Variants in LRBA observed in about 807,000 individuals in gnomAD.
LRBA encodes LPS responsive beige-like anchor protein, also known as lipopolysaccharide-responsive and beige-like anchor protein.
A neutral mutation model predicts 330.0 loss-of-function variants in LRBA; 176 were observed. The ratio of observed to expected loss-of-function variants is 0.53; its 90% confidence interval spans 0.47 to 0.60. The LOEUF is 0.60. Among genes scored for constraint, LRBA ranks in the 20% least tolerant of loss-of-function variants. The probability of loss-of-function intolerance (pLI) is 0.00; values close to 1 mark genes in which losing one functional copy is unlikely to be tolerated. For synonymous variants in LRBA, 1,230 were observed against 1,193.0 expected, an observed-to-expected ratio of 1.03 and a Z score of -0.64; for missense variants, 3,259 against 3,444.8, an observed-to-expected ratio of 0.95 and a Z score of 1.35.
intron 47 of LRBA, among the ~76,000 whole-genome samples, chr4:150,395,282 T>C (rs11099762): frequency 0.87 from 132,501 of 152,140 alleles, 58,568 homozygotes; most frequent in Non-Finnish European, 0.96. Flanking sequence ...GAACTTATCT[T>C]TTCCTCTTTC....
rs200578734 is a variant in LRBA, at chr4:150,828,404, A to G, written c.4947T>C (p.Asn1649=). The change falls in exon 30 of 57, where the codon AAT becomes AAC. Residue 1649 remains asparagine (N), a synonymous_variant. Transcript: ENST00000651943. ...TATCATTTTTGGTTTCCGGAGACTT[A>G]TTGACTTCTAAAGAAAGAGTAGATA... The part of the protein sequence containing the change: ...EVLSTLSLEV[N]KSPETKNDRG... 1 of 1,614,110 alleles carries G rather than the reference A, an allele frequency of 6.2e-7. No homozygotes were observed. Among genetic ancestry groups the G allele is most frequent in the East Asian group, 2.2e-5 (1 of 44,882 alleles).
intron 2 of LRBA, among the ~76,000 whole-genome samples, chr4:150,999,708 A>G (rs1743111722): frequency 6.8e-6 from 1 of 146,592 alleles, no homozygotes; most frequent in Admixed American, 6.6e-5. Context: ...TTTAAAAAAC[A>G]AAACAAAAAA....
chr4:150,869,911 G>T (rs564190778), intron 20 of LRBA, among the ~76,000 whole-genome samples: 1 of 152,100 alleles, frequency 6.6e-6, no homozygotes, highest in Admixed American at 6.5e-5. Context: ...GAAAGCTGAG[G>T]AAAATTAAAC....
intron 2 of LRBA, among the ~76,000 whole-genome samples, chr4:150,949,502 C>T (rs1210122959): frequency 6.6e-6 from 1 of 151,984 alleles, no homozygotes; most frequent in Non-Finnish European, 1.5e-5. Flanking sequence ...CAATATTGTT[C>T]TAGTTTTGCA....
intron 37 of LRBA, among the ~76,000 whole-genome samples, chr4:150,631,069 T>C (rs1777330263): frequency 6.6e-6 from 1 of 152,086 alleles, no homozygotes; most frequent in Non-Finnish European, 1.5e-5. Context: ...TAAAGTTAGA[T>C]AGTCCTTAAA....
intron 48 of LRBA, among the ~76,000 whole-genome samples, chr4:150,342,525 T>C (rs565625036): frequency 1.3e-5 from 2 of 152,342 alleles, no homozygotes; most frequent in East Asian, 1.9e-4. Flanking sequence ...TAGTTGTATA[T>C]TGATAACCCA....
chr4:150,897,673 T>G (rs1382777855), intron 15 of LRBA, 66 bp downstream of exon 15: 1 of 1,117,936 alleles, frequency 8.9e-7, no homozygotes, highest in African/African-American at 1.6e-5. Flanking sequence ...AAACCAAGAT[T>G]GTATTTCATG....
chr4:150,959,453 C>T (rs1405082413), intron 2 of LRBA, among the ~76,000 whole-genome samples: 1 of 149,146 alleles, frequency 6.7e-6, no homozygotes, highest in Non-Finnish European at 1.5e-5. Flanking sequence ...AATATCTTGC[C>T]ATAAAAATAG....
chr4:150,803,075 A>AAAT (rs1553964881), intron 33 of LRBA, among the ~76,000 whole-genome samples: 55 of 129,908 alleles, frequency 4.2e-4, no homozygotes, highest in African/African-American at 1.3e-3. Flanking sequence ...ACAAAAAAAA[A>AAAT]ATATATATAC....
In LRBA at chr4:150,849,569, T is replaced by G. The variant is rs887761453; in HGVS notation, c.4011A>C (p.Ser1337=). Residue 1337 remains serine, a synonymous_variant, in exon 25 of 57, where the codon TCA becomes TCC. Transcript: ENST00000651943. Reference sequence around the variant, plus strand: ...TCACGAAGTCCATAACTGTCTTTGTTGAATGGCTGTCCAAAGATAAATGAT... The same window carrying G: ...TCACGAAGTCCATAACTGTCTTTGTGGAATGGCTGTCCAAAGATAAATGAT... The part of the protein sequence containing the change: ...ETDIQMWRSH[S]TKTVMDFVNS... The G allele has an allele frequency of 6.2e-7, 1 of 1,610,678 alleles. No homozygotes were observed. The highest frequency in any genetic ancestry group is 8.5e-7 in the Non-Finnish European group (1 of 1,177,666).
chr4:150,950,099 C>T (rs1480115095), intron 2 of LRBA, among the ~76,000 whole-genome samples: 2 of 152,034 alleles, frequency 1.3e-5, no homozygotes, highest in Non-Finnish European at 2.9e-5. Context: ...TCATCTAAAC[C>T]TTCATACAGA....
chr4:150,679,385 G>A (rs1270595797), intron 37 of LRBA, among the ~76,000 whole-genome samples: 1 of 152,150 alleles, frequency 6.6e-6, no homozygotes, highest in African/African-American at 2.4e-5. Context: ...GTCCATTACA[G>A]GTCAGCTAAC....
At chr4:150,371,276 CCT>C (rs1227057027) in intron 47 of LRBA, among the ~76,000 whole-genome samples, 1 of 149,312 alleles carries the variant, frequency 6.7e-6, no homozygotes, top group African/African-American at 2.5e-5. Context: ...CACTCCAACC[CCT>C]GTCTCCTGGG....
At chr4:150,622,972 C>G (rs958893314) in intron 37 of LRBA, among the ~76,000 whole-genome samples, 5 of 152,148 alleles carry the variant, frequency 3.3e-5, no homozygotes, top group Non-Finnish European at 7.3e-5. Context: ...GTTGGGATTA[C>G]AGGCGTGAGC....
chr4:150,677,663 A>G (rs1174803504), intron 37 of LRBA, among the ~76,000 whole-genome samples: 1 of 152,058 alleles, frequency 6.6e-6, no homozygotes, highest in Non-Finnish European at 1.5e-5. Flanking sequence ...TTAACCTGGC[A>G]TGGTGGTTCC....
intron 44 of LRBA, among the ~76,000 whole-genome samples, chr4:150,441,309 G>A (rs557481893): frequency 9.9e-5 from 15 of 152,170 alleles, no homozygotes; most frequent in African/African-American, 3.4e-4. Context: ...AGAGTAAACA[G>A]TAGTCCCCAT....
At chr4:150,771,830 G>T (rs1736606348) in intron 34 of LRBA, among the ~76,000 whole-genome samples, 1 of 152,106 alleles carries the variant, frequency 6.6e-6, no homozygotes. Context: ...GAGCTCACTG[G>T]GCACTGGTGG....
At chr4:150,539,988 T>C (rs981466791) in intron 40 of LRBA, among the ~76,000 whole-genome samples, 1 of 152,250 alleles carries the variant, frequency 6.6e-6, no homozygotes, top group African/African-American at 2.4e-5. Flanking sequence ...GTATTTTATT[T>C]TTTAATTTTT....
chr4:150,413,264 G>A (rs1581237342), intron 47 of LRBA, among the ~76,000 whole-genome samples: 1 of 151,736 alleles, frequency 6.6e-6, no homozygotes, highest in Non-Finnish European at 1.5e-5. Context: ...AATACAAAAT[G>A]GTAAACATTT....
Sources: gnomAD v4.1 joint callset for allele counts (sites outside exome capture counted in the v4.1 genomes callset) on GRCh38, gnomAD v4.1.1 for gene constraint, MANE v1.5 for transcripts, NCBI Gene and HGNC (gene_info 2026-07-23, HGNC 2026-07-21) for gene names.